Variants in ANO3 observed in about 807,000 individuals in gnomAD.
ANO3 encodes anoctamin 3, also known as anoctamin-3.
Under a neutral mutation model 144.8 loss-of-function variants are expected in ANO3, and 99 were observed. The observed-to-expected ratio is 0.68, with a 90% confidence interval of 0.58 to 0.81. ANO3 has a LOEUF of 0.81. Among genes scored for constraint, ANO3 ranks in the 30% least tolerant of loss-of-function variants. The probability of loss-of-function intolerance (pLI) is 0.00; values close to 1 mark genes in which losing one functional copy is unlikely to be tolerated. For synonymous variants in ANO3, 414 were observed against 392.6 expected, an observed-to-expected ratio of 1.05 and a Z score of -0.64; for missense variants, 905 against 1,202.2, an observed-to-expected ratio of 0.75 and a Z score of 3.66.
intron 1 of ANO3, among the ~76,000 whole-genome samples, chr11:26,353,033 C>T (rs1590284895): frequency 6.6e-6 from 1 of 152,150 alleles, no homozygotes; most frequent in Non-Finnish European, 1.5e-5. Context: ...TAAAAGTACA[C>T]ACTCAAGAAA....
At chr11:26,423,694 A>G (rs1434108646) in intron 1 of ANO3, among the ~76,000 whole-genome samples, 3 of 151,988 alleles carry the variant, frequency 2.0e-5, no homozygotes, top group East Asian at 1.9e-4. Context: ...ATATAGAATT[A>G]TACTTTCTGA....
At chr11:26,653,149 T>C (rs1246373918) in intron 24 of ANO3, among the ~76,000 whole-genome samples, 1 of 152,162 alleles carries the variant, frequency 6.6e-6, no homozygotes, top group Non-Finnish European at 1.5e-5. Context: ...CATACCTGAA[T>C]TCTAGCCTTG....
intron 1 of ANO3, among the ~76,000 whole-genome samples, chr11:26,282,464 T>C (rs1004830320): frequency 6.6e-6 from 1 of 152,168 alleles, no homozygotes; most frequent in Non-Finnish European, 1.5e-5. Context: ...ACTTTTAGAT[T>C]GCTGTTTTTC....
intron 3 of ANO3, among the ~76,000 whole-genome samples, chr11:26,452,511 G>T (rs565092157): frequency 6.6e-6 from 1 of 152,144 alleles, no homozygotes; most frequent in Admixed American, 6.5e-5. Flanking sequence ...GAAATGAAGC[G>T]AGAAGGGAAG....
At chr11:26,656,959 TTTGA>T (rs141715368) in intron 26 of ANO3, among the ~76,000 whole-genome samples, 3,661 of 152,272 alleles carry the variant, frequency 0.024, 51 homozygotes, top group South Asian at 0.04. Flanking sequence ...ATTCAGAGAC[TTTGA>T]TTATCAGATC....
intron 9 of ANO3, among the ~76,000 whole-genome samples, chr11:26,535,732 T>G (rs2641391): frequency 6.6e-6 from 1 of 151,356 alleles, no homozygotes; most frequent in African/African-American, 2.4e-5. Context: ...ACAGGCACCC[T>G]CCACCACGCC....
At chr11:26,280,236 G>T (rs1190644943) in intron 1 of ANO3, among the ~76,000 whole-genome samples, 9 of 152,164 alleles carry the variant, frequency 5.9e-5, no homozygotes. Context: ...GAGTTGTCTT[G>T]TGTCACCTCT....
chr11:26,446,395 C>A (rs1858703627), intron 3 of ANO3, among the ~76,000 whole-genome samples: 1 of 152,058 alleles, frequency 6.6e-6, no homozygotes, highest in Admixed American at 6.6e-5. Flanking sequence ...TTATTAATGG[C>A]TTTTTTACAG....
chr11:26,463,954 T>G (rs1214193008), intron 4 of ANO3, among the ~76,000 whole-genome samples: 1 of 151,772 alleles, frequency 6.6e-6, no homozygotes, highest in Non-Finnish European at 1.5e-5. Context: ...GTAAAAAAGA[T>G]AGTTGGATAT....
At chr11:26,587,640 C>CCA (rs1851323796) in intron 14 of ANO3, among the ~76,000 whole-genome samples, 1 of 152,110 alleles carries the variant, frequency 6.6e-6, no homozygotes, top group Non-Finnish European at 1.5e-5. Context: ...AAGATAGGTC[C>CCA]CACTACTGCT....
intron 5 of ANO3, among the ~76,000 whole-genome samples, chr11:26,510,878 G>A (rs993109038): frequency 3.9e-5 from 6 of 152,098 alleles, no homozygotes; most frequent in Non-Finnish European, 5.9e-5. Flanking sequence ...GTCCTGTTCC[G>A]CTTTTAAAGG....
At chr11:26,615,824 T>C (rs943506839) in intron 17 of ANO3, among the ~76,000 whole-genome samples, 2 of 152,224 alleles carry the variant, frequency 1.3e-5, no homozygotes, top group African/African-American at 4.8e-5. Flanking sequence ...CAACCTTTTC[T>C]TTGATCGTCC....
intron 3 of ANO3, among the ~76,000 whole-genome samples, chr11:26,456,425 G>A (rs1454800665): frequency 1.3e-5 from 2 of 151,990 alleles, no homozygotes; most frequent in African/African-American, 4.8e-5. Context: ...GACATGAACA[G>A]ACACTTCTCA....
At chr11:26,654,922 G>T (rs1232339248) in intron 24 of ANO3, among the ~76,000 whole-genome samples, 1 of 152,078 alleles carries the variant, frequency 6.6e-6, no homozygotes, top group Non-Finnish European at 1.5e-5. Context: ...AAAAAACCTT[G>T]TATTGCGAGA....
chr11:26,273,625 G>C (rs1853494619), intron 1 of ANO3, among the ~76,000 whole-genome samples: 1 of 141,390 alleles, frequency 7.1e-6, no homozygotes, highest in African/African-American at 2.7e-5. Context: ...AAGAGATTGT[G>C]GATATGGCAC....
intron 1 of ANO3, among the ~76,000 whole-genome samples, chr11:26,235,002 A>AAG (rs10694750): frequency 0.014 from 2,014 of 140,232 alleles, 26 homozygotes; most frequent in African/African-American, 0.027. Flanking sequence ...AGAGAAAAGA[A>AAG]AGAGAGAGAG....
intron 4 of ANO3, among the ~76,000 whole-genome samples, chr11:26,470,905 A>G (rs1401904733): frequency 6.6e-6 from 1 of 151,934 alleles, no homozygotes; most frequent in Non-Finnish European, 1.5e-5. Flanking sequence ...TGTTTTCCAA[A>G]CAGTTTTTCC....
chr11:26,364,962 A>G (rs1487431229), intron 1 of ANO3, among the ~76,000 whole-genome samples: 3 of 152,214 alleles, frequency 2.0e-5, no homozygotes, highest in African/African-American at 7.2e-5. Flanking sequence ...TCCCAAGTCC[A>G]AAGTCTCACC....
chr11:26,267,114 A>G (rs1033479704), intron 1 of ANO3, among the ~76,000 whole-genome samples: 3 of 145,954 alleles, frequency 2.1e-5, no homozygotes, highest in Non-Finnish European at 4.6e-5. Flanking sequence ...AAAAAAGAAA[A>G]GAAAAGAAAA....
Sources: gnomAD v4.1 joint callset for allele counts (sites outside exome capture counted in the v4.1 genomes callset) on GRCh38, gnomAD v4.1.1 for gene constraint, MANE v1.5 for transcripts, NCBI Gene and HGNC (gene_info 2026-07-23, HGNC 2026-07-21) for gene names.